DOCK2: variants seen among roughly 807,000 people sequenced by gnomAD.
The protein encoded by DOCK2 is dedicator of cytokinesis 2.
DOCK2 carries 87 observed loss-of-function variants against 248.9 expected under a neutral mutation model. That is an observed-to-expected ratio of 0.35 (90% CI 0.29 to 0.42). DOCK2 has a LOEUF of 0.42. Ranked by LOEUF, DOCK2 falls within the 10% of genes least tolerant of loss-of-function variation. The pLI is 1.00. For synonymous variants in DOCK2, 805 were observed against 821.6 expected, an observed-to-expected ratio of 0.98 and a Z score of 0.35; for missense variants, 1,747 against 2,300.2, an observed-to-expected ratio of 0.76 and a Z score of 4.92.
At chr5:169,816,299 G>A (rs1768066155) in intron 26 of DOCK2, among the ~76,000 whole-genome samples, 1 of 152,214 alleles carries the variant, frequency 6.6e-6, no homozygotes, top group African/African-American at 2.4e-5. Flanking sequence ...CTGCAGCAAG[G>A]AAGCTTCCAG....
At chr5:169,860,466 G>A (rs962544021) in intron 27 of DOCK2, among the ~76,000 whole-genome samples, 1 of 152,156 alleles carries the variant, frequency 6.6e-6, no homozygotes, top group East Asian at 1.9e-4. Flanking sequence ...GAGGCAGGGG[G>A]TATATCAGAG....
At chr5:169,759,684 T>A in intron 23 of DOCK2, 21 bp from the exon 24 acceptor site, 1 of 1,613,788 alleles carries the variant, frequency 6.2e-7, no homozygotes, top group Non-Finnish European at 8.5e-7. Context: ...ATCACTTATA[T>A]GTATTTTACA....
At chr5:169,682,742 A>G (rs963831515) in intron 7 of DOCK2, among the ~76,000 whole-genome samples, 4 of 152,174 alleles carry the variant, frequency 2.6e-5, no homozygotes, top group African/African-American at 7.2e-5. Context: ...ATTGTGTTGG[A>G]TAAACATCGT....
intron 5 of DOCK2, among the ~76,000 whole-genome samples, 172 bp from the exon 6 acceptor site, chr5:169,674,125 T>C (rs533014775): frequency 2.2e-4 from 33 of 152,330 alleles, no homozygotes; most frequent in African/African-American, 7.7e-4. Flanking sequence ...CCACGGGGAA[T>C]AAATACATCA....
chr5:169,681,489 GT>G (rs1759663255), intron 6 of DOCK2, among the ~76,000 whole-genome samples: 1 of 151,334 alleles, frequency 6.6e-6, no homozygotes, highest in South Asian at 2.1e-4. Flanking sequence ...TAGTTCAAGT[GT>G]TGGGTGTTTC....
At chr5:170,025,933 C>T (rs1755899772) in intron 33 of DOCK2, among the ~76,000 whole-genome samples, 1 of 151,886 alleles carries the variant, frequency 6.6e-6, no homozygotes, top group Non-Finnish European at 1.5e-5. Flanking sequence ...CACGTTCCCA[C>T]CTCGACAGCT....
intron 46 of DOCK2, 144 bp from the exon 47 acceptor site, chr5:170,075,803 C>T: frequency 2.9e-6 from 3 of 1,033,418 alleles, no homozygotes; most frequent in Non-Finnish European, 4.2e-6. Context: ...TGGCTGGGGA[C>T]CGTGTGTGCA....
chr5:169,879,543 G>T (rs1278441911), intron 27 of DOCK2, among the ~76,000 whole-genome samples: 1 of 152,180 alleles, frequency 6.6e-6, no homozygotes, highest in Non-Finnish European at 1.5e-5. Flanking sequence ...GCATACAATT[G>T]CTGTTCTTCT....
intron 22 of DOCK2, among the ~76,000 whole-genome samples, chr5:169,745,427 A>C (rs1264817473): frequency 1.3e-5 from 2 of 152,190 alleles, no homozygotes; most frequent in African/African-American, 4.8e-5. Context: ...CATGCTGAGA[A>C]CTTCCCATGT....
intron 1 of DOCK2, among the ~76,000 whole-genome samples, chr5:169,648,340 C>G (rs562903764): frequency 2.6e-5 from 4 of 152,184 alleles, no homozygotes; most frequent in African/African-American, 7.2e-5. Flanking sequence ...CAACAAATGT[C>G]TCTTCTAGTG....
At chr5:169,732,613 T>C (rs1762839975) in intron 22 of DOCK2, among the ~76,000 whole-genome samples, 1 of 152,220 alleles carries the variant, frequency 6.6e-6, no homozygotes, top group African/African-American at 2.4e-5. Context: ...GGACTCATTC[T>C]TGACACCTCA....
chr5:169,906,881 A>G (rs1217319995), intron 27 of DOCK2, among the ~76,000 whole-genome samples: 1 of 152,208 alleles, frequency 6.6e-6, no homozygotes, highest in Non-Finnish European at 1.5e-5. Context: ...GGAAATGTGC[A>G]TGAGGCTGGT....
At chr5:169,829,589 A>G (rs1412387435) in intron 26 of DOCK2, among the ~76,000 whole-genome samples, 1 of 152,254 alleles carries the variant, frequency 6.6e-6, no homozygotes, top group Non-Finnish European at 1.5e-5. Flanking sequence ...AGGACCGTGT[A>G]GGTACAGAAC....
intron 27 of DOCK2, among the ~76,000 whole-genome samples, chr5:169,920,084 C>T (rs756568183): frequency 3.9e-5 from 6 of 151,996 alleles, no homozygotes; most frequent in East Asian, 1.9e-4. Context: ...ATTTTATCTC[C>T]GGTGAATAGT....
chr5:169,954,098 A>G (rs1214700169), intron 27 of DOCK2, among the ~76,000 whole-genome samples: 1 of 152,226 alleles, frequency 6.6e-6, no homozygotes, highest in African/African-American at 2.4e-5. Context: ...CCCACATTTT[A>G]TCAAACATAC....
chr5:169,974,195 C>A (rs1581492532), intron 27 of DOCK2, among the ~76,000 whole-genome samples: 2 of 152,262 alleles, frequency 1.3e-5, no homozygotes, highest in Admixed American at 1.3e-4. Flanking sequence ...TCTTATCTAT[C>A]AAGTAAAAAT....
intron 32 of DOCK2, among the ~76,000 whole-genome samples, chr5:170,016,416 A>C (rs559025126): frequency 1.3e-5 from 2 of 152,378 alleles, no homozygotes; most frequent in South Asian, 4.1e-4. Flanking sequence ...ATGCAAACAC[A>C]TATGCATTTG....
intron 7 of DOCK2, 134 bp downstream of exon 7, chr5:169,682,013 C>T: frequency 7.9e-7 from 1 of 1,269,924 alleles, no homozygotes; most frequent in Non-Finnish European, 1.0e-6. Flanking sequence ...TGATCAGCAA[C>T]CACATGTGTT....
chr5:169,799,551 G>T (rs1193895467), intron 25 of DOCK2, among the ~76,000 whole-genome samples: 1 of 151,628 alleles, frequency 6.6e-6, no homozygotes, highest in Non-Finnish European at 1.5e-5. Flanking sequence ...CCAGGCAAAA[G>T]AAAAAAGAGA....
Sources: allele counts gnomAD v4.1 joint callset (sites outside exome capture counted in the v4.1 genomes callset), GRCh38; gene constraint gnomAD v4.1.1; transcripts MANE v1.5; gene names NCBI Gene and HGNC (gene_info 2026-07-23, HGNC 2026-07-21).